The following GMPR variants were observed in gnomAD, a reference collection of about 807,000 sequenced individuals.
GMPR encodes the protein GMP reductase 1.
Under a neutral mutation model 38.4 loss-of-function variants are expected in GMPR, and 31 were observed. That is an observed-to-expected ratio of 0.81 (90% CI 0.61 to 1.09). The LOEUF is 1.09. Ranked by LOEUF, GMPR falls within the 50% of genes least tolerant of loss-of-function variation. The pLI is 0.00. For synonymous variants in GMPR, 162 were observed against 173.3 expected (o/e 0.93, Z 0.51); for missense variants, 468 against 453.7 (o/e 1.03, Z -0.29).
chr6:16,290,638 G>C lies in GMPR; in HGVS notation c.857+17G>C, dbSNP rs377218960. On this transcript the variant is annotated intron_variant, in intron 8 of 8. Coordinates refer to ENST00000259727, the MANE Select transcript of GMPR (RefSeq NM_006877.4). ...TGAGTACAGGTGAGGAGGTGACCCC[G>C]GGGCGCACCCTCGAGGCCTGGCCTT... 2.5e-6 allele frequency: 4 copies of C among 1,608,660 alleles called. No individual in the cohort carries two copies. The highest frequency in any genetic ancestry group is 3.4e-6 in the Non-Finnish European group (4 of 1,175,674).
intron 6 of GMPR, among the ~76,000 whole-genome samples, chr6:16,281,363 C>T (rs988362546): frequency 7.9e-5 from 12 of 152,184 alleles, no homozygotes; most frequent in African/African-American, 2.9e-4. Flanking sequence ...GTGCCCAAGG[C>T]AGCAACTTCT....
Position 16,288,542 on chromosome 6 carries a change from C to A in GMPR, c.698-1920C>A, listed in dbSNP as rs184837795. On this transcript the variant is annotated intron_variant, in intron 7 of 8. Coordinates refer to ENST00000259727, the MANE Select transcript of GMPR (RefSeq NM_006877.4). ...CCGCCATGGCTGAGCTTCCCCGCCC[C>A]CTCCACGGGCTCCTGTGCGGCGGGA... Among the ~76,000 whole-genome samples the A allele has an allele frequency of 2.5e-3, 377 of 152,360 alleles. 1 individual carries two copies. Among genetic ancestry groups the A allele is most frequent in the African/African-American group, 8.4e-3 (348 of 41,588 alleles).
At position 16,290,385 on chromosome 6, in the gene GMPR, A is replaced by G. The variant is rs536995997; in HGVS notation, c.698-77A>G. 4 of 1,320,578 alleles carry G rather than the reference A, an allele frequency of 3.0e-6. No individual in the cohort carries two copies. The Admixed American group carries it at 5.1e-5, about 17-fold the overall frequency. The allele number at this position is 1,320,578 out of a possible 1,614,324, so 81.8% of individuals were successfully genotyped here. Reference sequence around the variant, plus strand: ...GGGGAGGGAGGTGAACTGGGCAAGCACTGGGATTTTTTGAGAGCCTTTTCC... The same window carrying G: ...GGGGAGGGAGGTGAACTGGGCAAGCGCTGGGATTTTTTGAGAGCCTTTTCC... On this transcript the variant is annotated intron_variant, in intron 7 of 8. Transcript: ENST00000259727.
intron 4 of GMPR, among the ~76,000 whole-genome samples, chr6:16,267,108 A>G (rs1581657285): frequency 1.3e-5 from 2 of 152,056 alleles, no homozygotes; most frequent in South Asian, 2.1e-4. Context: ...TCACGCCTGT[A>G]ATCCCGGCAC....
At chr6:16,266,791 A>AAAAC (rs146134590) in intron 4 of GMPR, among the ~76,000 whole-genome samples, 2 of 151,620 alleles carry the variant, frequency 1.3e-5, no homozygotes, top group South Asian at 2.1e-4. Context: ...TCCGTCTCAA[A>AAAAC]AAACAAACAA....
intron 6 of GMPR, among the ~76,000 whole-genome samples, chr6:16,283,720 CA>C (rs1457339231): frequency 6.6e-6 from 1 of 152,120 alleles, no homozygotes; most frequent in African/African-American, 2.4e-5. Context: ...TCACAGACCA[CA>C]GTAATAAGAA....
At chr6:16,256,282 G>A (rs1442030984) in intron 4 of GMPR, among the ~76,000 whole-genome samples, 3 of 150,736 alleles carry the variant, frequency 2.0e-5, no homozygotes, top group Non-Finnish European at 4.4e-5. Flanking sequence ...TTGGGAGGCC[G>A]AGGTGGGTGG....
rs371944970 is a variant in GMPR, at chr6:16,290,763, TATCC to T, written c.857+144_857+147del. 703 of 684,326 alleles carry T rather than the reference TATCC, an allele frequency of 1.0e-3. 9 individuals carry two copies. In the South Asian group the frequency reaches 0.013, roughly 13 times the overall value. The allele number at this position is 684,326 out of a possible 1,614,324, so 42.4% of individuals were successfully genotyped here. On this transcript the variant is annotated intron_variant, in intron 8 of 8. Coordinates refer to ENST00000259727, the MANE Select transcript of GMPR (RefSeq NM_006877.4). Reference sequence around the variant, plus strand: ...GTTCTTTTTAAAGACCCCTAATTTGTATCCAGTTAGCATTTGCAGTGTTTGGGGT... The same window carrying T: ...GTTCTTTTTAAAGACCCCTAATTTGTAGTTAGCATTTGCAGTGTTTGGGGT...
At chr6:16,261,506 G>A (rs1409019613) in intron 4 of GMPR, among the ~76,000 whole-genome samples, 1 of 152,016 alleles carries the variant, frequency 6.6e-6, no homozygotes, top group Non-Finnish European at 1.5e-5. Context: ...GGACTGTGGA[G>A]AGAGGTATTG....
chr6:16,291,952 C>T (rs2113349839), intron 8 of GMPR, among the ~76,000 whole-genome samples: 1 of 152,102 alleles, frequency 6.6e-6, no homozygotes, highest in South Asian at 2.1e-4. Context: ...CTCGCTGCCT[C>T]ACCCTGCTCC....
intron 3 of GMPR, among the ~76,000 whole-genome samples, chr6:16,251,180 T>C (rs1308136021): frequency 6.6e-6 from 1 of 152,218 alleles, no homozygotes; most frequent in African/African-American, 2.4e-5. Flanking sequence ...AAATAAGGTA[T>C]ATCCATACAG....
intron 4 of GMPR, among the ~76,000 whole-genome samples, chr6:16,257,150 A>G (rs2113676954): frequency 1.3e-5 from 2 of 152,296 alleles, no homozygotes; most frequent in Middle Eastern, 3.4e-3. Flanking sequence ...TTAATAATCC[A>G]TTATGCCTCC....
At chr6:16,294,898 T>A (rs1267781316) in intron 8 of GMPR, 108 bp from the exon 9 acceptor site, 10 of 827,616 alleles carry the variant, frequency 1.2e-5, no homozygotes, top group African/African-American at 3.5e-5. Context: ...TCTGGTTTTC[T>A]GAGTGCCTTG....
At chr6:16,265,970 T>G (rs1291800915) in intron 4 of GMPR, among the ~76,000 whole-genome samples, 1 of 152,084 alleles carries the variant, frequency 6.6e-6, no homozygotes, top group Admixed American at 6.5e-5. Flanking sequence ...AAGGAACAAT[T>G]GTGGATGTGC....
intron 1 of GMPR, among the ~76,000 whole-genome samples, chr6:16,239,314 G>A (rs1240816357): frequency 6.6e-6 from 1 of 152,186 alleles, no homozygotes; most frequent in Non-Finnish European, 1.5e-5. Flanking sequence ...TGGCAGTGGG[G>A]CTTGGGGACT....
intron 4 of GMPR, among the ~76,000 whole-genome samples, chr6:16,263,636 C>T (rs773961461): frequency 6.7e-6 from 1 of 149,902 alleles, no homozygotes; most frequent in Non-Finnish European, 1.5e-5. Flanking sequence ...GGTCGGGGCA[C>T]GGAAATAAGG....
At chr6:16,278,381 C>G (rs1383650563) in intron 5 of GMPR, among the ~76,000 whole-genome samples, 1 of 152,070 alleles carries the variant, frequency 6.6e-6, no homozygotes, top group Non-Finnish European at 1.5e-5. Flanking sequence ...AAGCTACGAG[C>G]CAGTGGGAGG....
chr6:16,289,029 C>T (rs529020857), intron 7 of GMPR, among the ~76,000 whole-genome samples: 7 of 152,312 alleles, frequency 4.6e-5, no homozygotes, highest in South Asian at 2.1e-4. Flanking sequence ...CTGCCGGAGC[C>T]AGCAGTGGCA....
At position 16,290,491 on chromosome 6, in the gene GMPR, G is replaced by A; in HGVS notation, c.727G>A (p.Gly243Arg). ...TGGAGCAGATTTTGTCATGCTGGGA[G>A]GAATGTTTTCGGGTCATACGGAGTG... is the stretch of plus-strand genomic sequence containing the variant. ...GAGADFVMLG[G>R]MFSGHTECAG... The change falls in exon 8 of 9, where the codon GGA becomes AGA. Residue 243 changes from glycine to arginine, a missense_variant. Transcript: ENST00000259727. The A allele has an allele frequency of 6.2e-7, 1 of 1,614,170 alleles. No individual in the cohort carries two copies. Among genetic ancestry groups the A allele is most frequent in the Non-Finnish European group, 8.5e-7 (1 of 1,180,000 alleles).
Sources: allele counts gnomAD v4.1 joint callset (sites outside exome capture counted in the v4.1 genomes callset), GRCh38; gene constraint gnomAD v4.1.1; transcripts MANE v1.5; gene names NCBI Gene and HGNC (gene_info 2026-07-23, HGNC 2026-07-21).